PCCA: variants seen among roughly 807,000 people sequenced by gnomAD.
PCCA encodes the protein propionyl-CoA carboxylase subunit alpha, also known as propionyl-CoA carboxylase alpha chain, mitochondrial.
PCCA carries 74 observed loss-of-function variants against 101.3 expected under a neutral mutation model. The ratio of observed to expected loss-of-function variants is 0.73; its 90% CI spans 0.61 to 0.89. The LOEUF is 0.89. Among genes scored for constraint, PCCA ranks in the 40% least tolerant of loss-of-function variants. The probability of loss-of-function intolerance (pLI) is 0.00; values close to 1 mark genes in which losing one functional copy is unlikely to be tolerated. For missense variants in PCCA, 891 were observed against 907.0 expected (o/e 0.98, Z 0.23); for synonymous variants, 294 against 313.6 (o/e 0.94, Z 0.66).
intron 21 of PCCA, among the ~76,000 whole-genome samples, chr13:100,484,846 C>T (rs188669980): frequency 1.3e-5 from 2 of 152,294 alleles, no homozygotes; most frequent in East Asian, 3.9e-4. Flanking sequence ...CTGGTGAGCA[C>T]CTCGGTAGGA....
At chr13:100,396,828 G>T (rs190035292) in intron 19 of PCCA, among the ~76,000 whole-genome samples, 1 of 152,260 alleles carries the variant, frequency 6.6e-6, no homozygotes, top group Admixed American at 6.5e-5. Flanking sequence ...GTGTCTTGGT[G>T]ATTCACTTTG....
intron 1 of PCCA, among the ~76,000 whole-genome samples, chr13:100,102,190 G>C (rs1450028771): frequency 6.6e-6 from 1 of 151,716 alleles, no homozygotes; most frequent in African/African-American, 2.4e-5. Flanking sequence ...GCCTAGGCTG[G>C]AGTACAGTGG....
At chr13:100,527,477 G>T in intron 22 of PCCA, 198 bp from the exon 23 acceptor site, 1 of 611,368 alleles carries the variant, frequency 1.6e-6, no homozygotes, top group Non-Finnish European at 3.0e-6. Flanking sequence ...TTCCAACGAG[G>T]ACTTTATGAG....
intron 16 of PCCA, among the ~76,000 whole-genome samples, chr13:100,312,736 T>C (rs1381619119): frequency 3.3e-5 from 5 of 152,218 alleles, no homozygotes; most frequent in African/African-American, 1.2e-4. Flanking sequence ...TACTATAAAA[T>C]ACTATGCAGC....
chr13:100,158,892 C>T (rs1457989071), intron 6 of PCCA, among the ~76,000 whole-genome samples: 2 of 151,688 alleles, frequency 1.3e-5, no homozygotes, highest in East Asian at 1.9e-4. Flanking sequence ...TTTCTATGGT[C>T]CTTTATACAA....
chr13:100,151,178 TCTC>T (rs2053266681), intron 4 of PCCA: 3 of 759,230 alleles, frequency 4.0e-6, no homozygotes, highest in Non-Finnish European at 6.3e-6. Context: ...AGATGATTTT[TCTC>T]AGTCCTGTAA....
intron 2 of PCCA, among the ~76,000 whole-genome samples, chr13:100,110,726 A>G (rs2048232738): frequency 6.6e-6 from 1 of 152,202 alleles, no homozygotes; most frequent in Non-Finnish European, 1.5e-5. Context: ...TCCCTTTGAA[A>G]ACAACTCATG....
At chr13:100,507,789 T>TA (rs1029842389) in intron 21 of PCCA, among the ~76,000 whole-genome samples, 10 of 151,498 alleles carry the variant, frequency 6.6e-5, no homozygotes, top group African/African-American at 2.2e-4. Flanking sequence ...CCCGAGCAGC[T>TA]AGGATTACAA....
rs2058211151 is a variant in PCCA, at chr13:100,197,768, T to A, written c.469-11564T>A. Among the ~76,000 whole-genome samples the A allele has an allele frequency of 2.0e-5, 3 of 152,248 alleles. 1 individual carries two copies. In the South Asian group the frequency reaches 6.2e-4, roughly 32 times the overall value. On this transcript the variant is annotated intron_variant, in intron 6 of 23. Coordinates refer to ENST00000376285, the MANE Select transcript of PCCA (RefSeq NM_000282.4). ...TTGTTTAAAGTACACTGAGTTCAGGTTAAAAACCAACTGCCAAAGTAAATT... is the reference window on the plus strand; with the variant it reads ...TTGTTTAAAGTACACTGAGTTCAGGATAAAAACCAACTGCCAAAGTAAATT...
At position 100,273,224 on chromosome 13, in the gene PCCA, G is replaced by A. The variant is rs759223615; in HGVS notation, c.943G>A (p.Ala315Thr). The A allele has an allele frequency of 6.9e-5, 111 of 1,613,230 alleles. No individual in the cohort carries two copies. The highest frequency in any genetic ancestry group is 9.0e-5 in the Non-Finnish European group (106 of 1,179,334). The change falls in exon 12 of 24, where the codon GCG becomes ACG. Residue 315 changes from alanine to threonine, a missense_variant. Ala to Thr is a moderately conservative substitution (Grantham distance 58). Coordinates refer to ENST00000376285, the MANE Select transcript of PCCA (RefSeq NM_000282.4). ...TTTTTTGGATGCGGAGACTCGAAGA[G>A]CGATGGGAGAACAAGCTGTAGCTCT... ...SIFLDAETRR[A>T]MGEQAVALAR...
chr13:100,191,886 A>C (rs989833697), intron 6 of PCCA, among the ~76,000 whole-genome samples: 3 of 152,186 alleles, frequency 2.0e-5, no homozygotes, highest in Admixed American at 6.6e-5. Flanking sequence ...TTTTTCCTTC[A>C]TCAGTTACAA....
intron 4 of PCCA, among the ~76,000 whole-genome samples, chr13:100,140,760 A>G (rs2051768610): frequency 6.6e-6 from 1 of 152,180 alleles, no homozygotes; most frequent in South Asian, 2.1e-4. Context: ...GAGCATGCTT[A>G]GTCCATCTTA....
intron 20 of PCCA, among the ~76,000 whole-genome samples, chr13:100,439,178 A>G (rs956327299): frequency 3.3e-5 from 5 of 152,206 alleles, no homozygotes; most frequent in Non-Finnish European, 5.9e-5. Flanking sequence ...AGATAGAGAA[A>G]ACTCTACATA....
At chr13:100,359,394 G>A (rs2074323741) in intron 18 of PCCA, among the ~76,000 whole-genome samples, 1 of 152,138 alleles carries the variant, frequency 6.6e-6, no homozygotes, top group South Asian at 2.1e-4. Flanking sequence ...AAGAAGTAAA[G>A]TCATTTCTAT....
chr13:100,132,309 A>AGACTCCCTTGTGAGTCATTACCCCTCC (rs2050618589), intron 4 of PCCA, among the ~76,000 whole-genome samples: 1 of 152,234 alleles, frequency 6.6e-6, no homozygotes. Context: ...ATTACCCCTC[A>AGACTCCCTTGTGAGTCATTACCCCTCC]GACTCCCTTG....
intron 6 of PCCA, among the ~76,000 whole-genome samples, chr13:100,185,489 A>G (rs1356872864): frequency 6.6e-6 from 1 of 151,896 alleles, no homozygotes; most frequent in Non-Finnish European, 1.5e-5. Flanking sequence ...AGCTGGGACC[A>G]CAGGCACAAG....
chr13:100,345,048 C>G (rs962343515), intron 18 of PCCA, among the ~76,000 whole-genome samples: 31 of 152,164 alleles, frequency 2.0e-4, no homozygotes, highest in African/African-American at 7.5e-4. Context: ...CCCAGTGTCT[C>G]TCACTCTCCT....
intron 2 of PCCA, among the ~76,000 whole-genome samples, chr13:100,103,652 G>T (rs1423942359): frequency 6.8e-6 from 1 of 146,292 alleles, no homozygotes; most frequent in African/African-American, 2.5e-5. Context: ...TTATTTATTT[G>T]TGAGATGGAG....
In PCCA at chr13:100,515,576, T is replaced by G; in HGVS notation, c.2040+9T>G. 1 of 1,613,070 alleles carries G rather than the reference T, an allele frequency of 6.2e-7. No homozygotes were observed. The highest frequency in any genetic ancestry group is 8.5e-7 in the Non-Finnish European group (1 of 1,179,892). On this transcript the variant is annotated intron_variant, in intron 22 of 23. Coordinates refer to ENST00000376285, the MANE Select transcript of PCCA (RefSeq NM_000282.4). The stretch of plus-strand genomic sequence containing the variant: ...TCAAGCCTGGAGACGCGGTAAGGGC[T>G]GTGTGTGTCTCTCTGCAGGACATGC...
Sources: allele counts gnomAD v4.1 joint callset (sites outside exome capture counted in the v4.1 genomes callset), GRCh38; gene constraint gnomAD v4.1.1; transcripts MANE v1.5; gene names NCBI Gene and HGNC (gene_info 2026-07-23, HGNC 2026-07-21).